The following UTRN variants were observed in gnomAD, a reference collection of about 807,000 sequenced individuals.
The protein encoded by UTRN is utrophin.
UTRN carries 283 observed loss-of-function variants against 463.9 expected under a neutral mutation model. The observed-to-expected ratio is 0.61, with a 90% CI of 0.55 to 0.67. The LOEUF is 0.67. Ranked by LOEUF, UTRN falls within the 30% of genes least tolerant of loss-of-function variation. The pLI is 0.00. For synonymous variants in UTRN, 1,442 were observed against 1,431.5 expected (o/e 1.01, Z -0.17); for missense variants, 3,922 against 4,084.3 (o/e 0.96, Z 1.08).
At chr6:144,830,946 G>T (rs555694124) in intron 69 of UTRN, among the ~76,000 whole-genome samples, 4 of 152,210 alleles carry the variant, frequency 2.6e-5, no homozygotes, top group South Asian at 2.1e-4. Context: ...TGATCAAAAA[G>T]TATTTAAATC....
chr6:144,316,888 G>A (rs781253366), intron 2 of UTRN, among the ~76,000 whole-genome samples: 60 of 152,188 alleles, frequency 3.9e-4, no homozygotes, highest in Non-Finnish European at 7.6e-4. Context: ...CTTACAGAGA[G>A]CCACATAGGA....
At chr6:144,303,299 T>C (rs673923) in intron 2 of UTRN, among the ~76,000 whole-genome samples, 47,713 of 152,140 alleles carry the variant, frequency 0.31, 7,842 homozygotes, top group South Asian at 0.46. Flanking sequence ...TAACAGTATG[T>C]TTAAAGCCTC....
intron 47 of UTRN, among the ~76,000 whole-genome samples, chr6:144,549,336 T>G (rs1219463123): frequency 1.3e-5 from 2 of 152,238 alleles, no homozygotes; most frequent in East Asian, 3.8e-4. Context: ...TTCTGGGCTG[T>G]GAGTGGTACA....
chr6:144,600,550 C>T (rs1804137546), intron 51 of UTRN, among the ~76,000 whole-genome samples: 1 of 152,190 alleles, frequency 6.6e-6, no homozygotes, highest in South Asian at 2.1e-4. Context: ...TAACTCTCTT[C>T]AATTCTATGA....
At chr6:144,475,184 A>G (rs769290295) in intron 25 of UTRN, among the ~76,000 whole-genome samples, 1 of 152,230 alleles carries the variant, frequency 6.6e-6, no homozygotes, top group Non-Finnish European at 1.5e-5. Context: ...ATAATGAATA[A>G]TATCATGGAG....
At chr6:144,807,253 TA>T (rs1778230627) in intron 65 of UTRN, among the ~76,000 whole-genome samples, 1 of 152,142 alleles carries the variant, frequency 6.6e-6, no homozygotes, top group Non-Finnish European at 1.5e-5. Flanking sequence ...AACCTTATTT[TA>T]AATCCACAAA....
chr6:144,528,032 ATTT>A (rs201546711), intron 41 of UTRN, among the ~76,000 whole-genome samples: 1 of 112,112 alleles, frequency 8.9e-6, no homozygotes. Flanking sequence ...AGCTAGTGTG[ATTT>A]TTTTTTTTTT....
rs759033333 is a variant in UTRN at position 144,539,370 on chromosome 6, A to T, written c.6446A>T (p.Asp2149Val). The T allele has an allele frequency of 6.2e-7, 1 of 1,613,576 alleles. No homozygotes were observed. The highest frequency in any genetic ancestry group is 1.1e-5 in the South Asian group (1 of 91,028). The change falls in exon 45 of 75, where the codon GAT becomes GTT. Residue 2149 changes from aspartate to valine, a missense_variant. Physicochemically the swap from Asp to Val is radical, Grantham distance 152. This residue lies in a region of UTRN where 2,349 missense variants were observed against 2,303.8 expected (regional missense o/e 1.02). Coordinates refer to ENST00000367545, the MANE Select transcript of UTRN (RefSeq NM_007124.3). ...LNRTELEMLS[D>V]KSLSLPERDK... ...AGAACTGAATTGGAGATGCTTTCAG[A>T]TAAAAGTCTGAGTTTACCTGAAAGG...
At chr6:144,574,613 C>T (rs2128623579) in intron 50 of UTRN, among the ~76,000 whole-genome samples, 1 of 152,226 alleles carries the variant, frequency 6.6e-6, no homozygotes, top group South Asian at 2.1e-4. Context: ...GACAGTTTCA[C>T]TCTGTCACCC....
At chr6:144,742,668 C>T (rs193217204) in intron 54 of UTRN, among the ~76,000 whole-genome samples, 167 of 152,270 alleles carry the variant, frequency 1.1e-3, no homozygotes, top group Middle Eastern at 3.4e-3. Context: ...TCCTCAAGAA[C>T]CTACTGTGTG....
chr6:144,734,261 C>A (rs112903786), intron 54 of UTRN, among the ~76,000 whole-genome samples: 5 of 152,126 alleles, frequency 3.3e-5, no homozygotes, highest in African/African-American at 1.2e-4. Flanking sequence ...GTAGAGAATT[C>A]TTTGAAAGAG....
rs1356435223 is a variant in UTRN at position 144,490,140 on chromosome 6, C to T, written c.4204C>T (p.Pro1402Ser). The part of the protein sequence containing the change: ...EELRRNMRSQ[P>S]LTSPESRTAR... ...GTTGAGAAGAAATATGCGTTCTCAG[C>T]CCCTGACCTCCCCAGAGAGTAGGAC... The change falls in exon 31 of 75, where the codon CCC (proline) becomes TCC (serine). Residue 1402 changes from proline (P) to serine (S), a missense_variant. Around this residue, in one of 3 missense-constraint regions of UTRN, gnomAD observed 2,349 missense variants for 2,303.8 expected, o/e 1.02. Transcript: ENST00000367545. The T allele has an allele frequency of 1.9e-6, 3 of 1,613,732 alleles. No individual in the cohort carries two copies. The highest frequency in any genetic ancestry group is 1.3e-5 in the African/African-American group (1 of 75,000).
At chr6:144,438,690 T>G in intron 11 of UTRN, 55 bp from the exon 12 acceptor site, 4 of 1,603,986 alleles carry the variant, frequency 2.5e-6, no homozygotes, top group Non-Finnish European at 3.4e-6. Context: ...AATGTATATT[T>G]GACTTTGCAA....
intron 37 of UTRN, 76 bp downstream of exon 37, chr6:144,514,896 A>T: frequency 1.4e-6 from 2 of 1,393,482 alleles, no homozygotes; most frequent in South Asian, 1.5e-5. Context: ...CAGTACATAC[A>T]TCAACAATTT....
chr6:144,738,920 T>G (rs1789741055), intron 54 of UTRN, among the ~76,000 whole-genome samples: 2 of 152,208 alleles, frequency 1.3e-5, no homozygotes, highest in Non-Finnish European at 2.9e-5. Context: ...TTACTTAATT[T>G]AGTCTATTTG....
intron 50 of UTRN, among the ~76,000 whole-genome samples, chr6:144,558,950 A>T (rs12214126): frequency 0.21 from 31,506 of 151,978 alleles, 3,418 homozygotes; most frequent in Middle Eastern, 0.28. Context: ...TAGCTAACAT[A>T]AAAAAAAGAG....
Position 144,429,562 on chromosome 6 carries a change from T to A in UTRN, c.695-19T>A, listed in dbSNP as rs1404832235. ...TGGACACCTAATTTAAGCTGGTTCTTATATTCTTCCACTTTTAGATGTTGC... is the reference window on the plus strand; with the variant it reads ...TGGACACCTAATTTAAGCTGGTTCTAATATTCTTCCACTTTTAGATGTTGC... On this transcript the variant is annotated intron_variant, in intron 8 of 74. Coordinates refer to ENST00000367545, the MANE Select transcript of UTRN (RefSeq NM_007124.3). The A allele has an allele frequency of 6.3e-7, 1 of 1,587,394 alleles. No individual in the cohort carries two copies. The highest frequency in any genetic ancestry group is 8.6e-7 in the Non-Finnish European group (1 of 1,167,944).
chr6:144,646,089 C>T (rs80176455), intron 51 of UTRN, among the ~76,000 whole-genome samples: 2,040 of 152,288 alleles, frequency 0.013, 17 homozygotes, highest in Non-Finnish European at 0.021. Context: ...TCTACTCCTT[C>T]GATTTTACTG....
intron 51 of UTRN, among the ~76,000 whole-genome samples, chr6:144,639,407 C>G (rs1777535442): frequency 6.6e-6 from 1 of 152,132 alleles, no homozygotes; most frequent in African/African-American, 2.4e-5. Context: ...ATACTCTTCC[C>G]AGGCTTCCCA....
Sources: gnomAD v4.1 joint callset for allele counts (sites outside exome capture counted in the v4.1 genomes callset) on GRCh38, gnomAD v4.1.1 for gene constraint, gnomAD v4.1.1 regional missense constraint, MANE v1.5 for transcripts, NCBI Gene and HGNC (gene_info 2026-07-23, HGNC 2026-07-21) for gene names.